SCHIP1: variants seen among roughly 807,000 people sequenced by gnomAD.
SCHIP1 encodes the protein schwannomin interacting protein 1, also known as schwannomin-interacting protein 1.
In SCHIP1, 8 loss-of-function variants were observed where a neutral mutation model predicts 29.7. The ratio of observed to expected loss-of-function variants is 0.27; its 90% CI spans 0.16 to 0.49. The LOEUF (loss-of-function observed/expected upper bound fraction) is 0.49, where lower values mean the gene tolerates loss of function less well. SCHIP1 is among the 20% of genes least tolerant of loss of function. The pLI, the probability that SCHIP1 is intolerant of heterozygous loss-of-function variation, is 0.99. For synonymous variants in SCHIP1, 76 were observed against 94.9 expected (o/e 0.80, Z 1.16); for missense variants, 193 against 294.6 (o/e 0.66, Z 2.52).
chr3:159,591,841 AG>A, the SCHIP1 span, among the ~76,000 whole-genome samples: 2 of 152,094 alleles, frequency 1.3e-5, no homozygotes, highest in East Asian at 3.9e-4. Flanking sequence ...ACATAGATGA[AG>A]GGTTGAGAGG....
chr3:159,426,062 T>C, the SCHIP1 span, among the ~76,000 whole-genome samples: 430 of 152,182 alleles, frequency 2.8e-3, 1 homozygote, highest in Non-Finnish European at 4.4e-3. Context: ...GGGAAATTTA[T>C]AGCACTAAAT....
At chr3:159,332,403 G>T in the SCHIP1 span, among the ~76,000 whole-genome samples, 413 of 152,178 alleles carry the variant, frequency 2.7e-3, 6 homozygotes, top group African/African-American at 9.6e-3. Context: ...ACTCAAATCC[G>T]TCTCCCAAGT....
the SCHIP1 span, among the ~76,000 whole-genome samples, chr3:159,763,339 C>T: frequency 6.6e-6 from 1 of 151,964 alleles, no homozygotes; most frequent in East Asian, 1.9e-4. Context: ...GGCACTTCCG[C>T]GTGGAATAGG....
intron 2 of SCHIP1, among the ~76,000 whole-genome samples, chr3:159,870,591 GGGAGTATTATATTTTTTCAGATACTGTT>G (rs1560090673): frequency 1.3e-5 from 2 of 151,834 alleles, no homozygotes; most frequent in African/African-American, 2.4e-5. Flanking sequence ...AAAGTGGTTA[GGGAGTATTATATTTTTTCAGATACTGTT>G]GGAGTATTAT....
chr3:159,277,128 A>T, the SCHIP1 span, among the ~76,000 whole-genome samples: 1 of 151,588 alleles, frequency 6.6e-6, no homozygotes, highest in Non-Finnish European at 1.5e-5. Context: ...TCGATCTCTG[A>T]CTCCTGTGCA....
chr3:159,694,050 A>C, the SCHIP1 span, among the ~76,000 whole-genome samples: 1 of 152,240 alleles, frequency 6.6e-6, no homozygotes, highest in East Asian at 1.9e-4. Flanking sequence ...GCACTCACCT[A>C]TCTGTGATAT....
At chr3:159,354,982 A>G in the SCHIP1 span, among the ~76,000 whole-genome samples, 1 of 152,180 alleles carries the variant, frequency 6.6e-6, no homozygotes, top group African/African-American at 2.4e-5. Context: ...GTCTGAATCC[A>G]TTGCCTCCCA....
the SCHIP1 span, among the ~76,000 whole-genome samples, chr3:159,667,478 G>GCCA: frequency 6.6e-6 from 1 of 152,186 alleles, no homozygotes; most frequent in Non-Finnish European, 1.5e-5. Flanking sequence ...TGATGATCAG[G>GCCA]GCATCCAATG....
chr3:159,700,995 C>T, the SCHIP1 span, among the ~76,000 whole-genome samples: 1 of 152,194 alleles, frequency 6.6e-6, no homozygotes, highest in Non-Finnish European at 1.5e-5. Context: ...CTCTATGAGA[C>T]TCAGTTTCCT....
the SCHIP1 span, among the ~76,000 whole-genome samples, chr3:159,478,399 GC>G: frequency 6.6e-6 from 1 of 152,126 alleles, no homozygotes; most frequent in South Asian, 2.1e-4. Flanking sequence ...CAAATGTGTG[GC>G]CTTCATTTGT....
exon 1 of SCHIP1, chr3:159,840,031 A>G: frequency 6.8e-7 from 1 of 1,467,806 alleles, no homozygotes. Flanking sequence ...GCCACTGCGC[A>G]GGTTGATCAG....
the SCHIP1 span, among the ~76,000 whole-genome samples, chr3:159,667,649 C>T: frequency 6.6e-6 from 1 of 151,824 alleles, no homozygotes; most frequent in South Asian, 2.1e-4. Flanking sequence ...ACACTGAGTC[C>T]AAGAAGTAGG....
chr3:159,582,060 T>C, the SCHIP1 span, among the ~76,000 whole-genome samples: 1 of 152,200 alleles, frequency 6.6e-6, no homozygotes, highest in South Asian at 2.1e-4. Flanking sequence ...TAAAATACTT[T>C]GAGTGTTATT....
chr3:159,682,031 C>T, the SCHIP1 span, among the ~76,000 whole-genome samples: 1 of 152,288 alleles, frequency 6.6e-6, no homozygotes. Flanking sequence ...CAGACCTTCC[C>T]CTGAGATACT....
At chr3:159,403,126 A>C in the SCHIP1 span, among the ~76,000 whole-genome samples, 1 of 152,152 alleles carries the variant, frequency 6.6e-6, no homozygotes, top group Non-Finnish European at 1.5e-5. Context: ...TACTTTATCC[A>C]TTCCTTTAAT....
At chr3:159,383,300 G>T in the SCHIP1 span, among the ~76,000 whole-genome samples, 1 of 151,642 alleles carries the variant, frequency 6.6e-6, no homozygotes, top group East Asian at 1.9e-4. Flanking sequence ...TGTAAGGAAG[G>T]GATCCAGTTT....
the SCHIP1 span, among the ~76,000 whole-genome samples, chr3:159,596,956 T>A: frequency 1.4e-5 from 2 of 146,294 alleles, no homozygotes; most frequent in Non-Finnish European, 3.0e-5. Context: ...ATAATAAAAA[T>A]AAATAAAGCA....
the SCHIP1 span, among the ~76,000 whole-genome samples, chr3:159,278,194 C>T: frequency 6.6e-6 from 1 of 152,168 alleles, no homozygotes; most frequent in Non-Finnish European, 1.5e-5. Flanking sequence ...TGGGTACATA[C>T]TCTTGTGATT....
the SCHIP1 span, among the ~76,000 whole-genome samples, chr3:159,597,649 A>G: frequency 1.3e-5 from 2 of 152,118 alleles, no homozygotes; most frequent in African/African-American, 2.4e-5. Flanking sequence ...TCCATTGTGT[A>G]TATATACCAC....
Sources: allele counts gnomAD v4.1 joint callset (sites outside exome capture counted in the v4.1 genomes callset), GRCh38; gene constraint gnomAD v4.1.1; transcripts MANE v1.5; gene names NCBI Gene and HGNC (gene_info 2026-07-23, HGNC 2026-07-21).